The following AGBL1 variants were observed in gnomAD, a reference collection of about 807,000 sequenced individuals.
AGBL1 encodes the protein cytosolic carboxypeptidase 4.
A neutral mutation model predicts 118.9 loss-of-function variants in AGBL1; 130 were observed. The observed-to-expected ratio is 1.09, with a 90% CI of 0.95 to 1.26. AGBL1 has a LOEUF of 1.26. AGBL1 is among the 50% of genes most tolerant of loss of function. The probability of loss-of-function intolerance (pLI) is 0.00; values close to 1 mark genes in which losing one functional copy is unlikely to be tolerated. For synonymous variants in AGBL1, 555 were observed against 478.9 expected (o/e 1.16, Z -2.08); for missense variants, 1,584 against 1,298.1 (o/e 1.22, Z -3.38).
At chr15:86,859,180 G>A (rs2079526455) in intron 22 of AGBL1, among the ~76,000 whole-genome samples, 1 of 152,286 alleles carries the variant, frequency 6.6e-6, no homozygotes, top group Non-Finnish European at 1.5e-5. Flanking sequence ...TAATATATGA[G>A]TCTAGCTGTG....
chr15:86,236,947 G>C (rs1597602984), intron 6 of AGBL1, among the ~76,000 whole-genome samples: 1 of 19,590 alleles, frequency 5.1e-5, no homozygotes, highest in African/African-American at 1.6e-4. Flanking sequence ...GGGGGCGGGG[G>C]GGGGCGGGGG....
chr15:86,708,772 C>T (rs539669295), intron 22 of AGBL1, among the ~76,000 whole-genome samples: 2 of 141,666 alleles, frequency 1.4e-5, no homozygotes, highest in Non-Finnish European at 3.2e-5. Flanking sequence ...TTCCTTCATG[C>T]TACTGACAAT....
At chr15:86,827,291 G>GTA (rs1182771082) in intron 22 of AGBL1, among the ~76,000 whole-genome samples, 4 of 37,502 alleles carry the variant, frequency 1.1e-4, no homozygotes, top group Admixed American at 3.9e-4. Context: ...GGGTGTGTAT[G>GTA]TATATATATA....
At chr15:86,894,540 G>T (rs955924438) in intron 22 of AGBL1, among the ~76,000 whole-genome samples, 1 of 152,122 alleles carries the variant, frequency 6.6e-6, no homozygotes, top group African/African-American at 2.4e-5. Flanking sequence ...TTGCTCTTCT[G>T]GACCGCTAGG....
At chr15:86,495,166 A>AT (rs941177217) in intron 18 of AGBL1, among the ~76,000 whole-genome samples, 3 of 149,112 alleles carry the variant, frequency 2.0e-5, no homozygotes, top group Non-Finnish European at 3.0e-5. Flanking sequence ...CTGCTTTTGT[A>AT]TTTTTTCTTT....
Position 86,613,805 on chromosome 15 carries a change from C to T in AGBL1, c.2994+59268C>T, listed in dbSNP as rs1471986448. 6.6e-6 allele frequency among the ~76,000 whole-genome samples: 1 copy of T among 152,176 alleles called. No homozygotes were observed. Among genetic ancestry groups the T allele is most frequent in the Admixed American group, 6.5e-5 (1 of 15,274 alleles). Reference sequence around the variant, plus strand: ...AATTTCAGACCCCATCCCAGACCTACTGAATTAGAATATGTAGCATAGTAA... The same window carrying T: ...AATTTCAGACCCCATCCCAGACCTATTGAATTAGAATATGTAGCATAGTAA... On this transcript the variant is annotated intron_variant, in intron 21 of 22. Coordinates refer to ENST00000614907, the MANE Select transcript of AGBL1 (RefSeq NM_001386094.1). The surrounding 1 kb of genome is among the most constrained non-coding windows in gnomAD (Gnocchi z 4.2).
At chr15:86,738,291 T>C (rs1324347061) in intron 22 of AGBL1, among the ~76,000 whole-genome samples, 5 of 152,090 alleles carry the variant, frequency 3.3e-5, no homozygotes, top group Middle Eastern at 3.4e-3. Flanking sequence ...TGAGAAAAAA[T>C]TGAAAGCACT....
At chr15:86,646,140 C>CT (rs150641025) in intron 21 of AGBL1, among the ~76,000 whole-genome samples, 11,961 of 152,166 alleles carry the variant, frequency 0.079, 610 homozygotes, top group South Asian at 0.091. Context: ...GAATCATTTA[C>CT]TTTTTCTCTT....
intron 24 of AGBL1, among the ~76,000 whole-genome samples, chr15:86,998,123 C>T (rs2081397133): frequency 6.6e-6 from 1 of 152,060 alleles, no homozygotes; most frequent in African/African-American, 2.4e-5. Flanking sequence ...GAATTTCCAC[C>T]TCCTGATATA....
intron 21 of AGBL1, among the ~76,000 whole-genome samples, chr15:86,561,780 C>G (rs2083825540): frequency 6.6e-6 from 1 of 152,186 alleles, no homozygotes; most frequent in Non-Finnish European, 1.5e-5. Flanking sequence ...TTCTTCCTAT[C>G]CATGAGCATG....
chr15:86,874,248 A>C (rs2079772284), intron 22 of AGBL1, among the ~76,000 whole-genome samples: 1 of 152,110 alleles, frequency 6.6e-6, no homozygotes, highest in South Asian at 2.1e-4. Context: ...GAGTTGCTTA[A>C]ATAAAAGAAA....
chr15:86,992,885 C>G (rs1377489721), intron 24 of AGBL1, among the ~76,000 whole-genome samples: 1 of 152,040 alleles, frequency 6.6e-6, no homozygotes. Context: ...GTCATAGTTT[C>G]CTTACGGGTG....
chr15:86,506,627 A>G (rs2082980701), intron 18 of AGBL1, among the ~76,000 whole-genome samples: 2 of 152,082 alleles, frequency 1.3e-5, no homozygotes, highest in Non-Finnish European at 2.9e-5. Context: ...TCCACTTGCC[A>G]TCTGCTGCAC....
At chr15:86,341,758 C>T (rs2080464741) in intron 17 of AGBL1, among the ~76,000 whole-genome samples, 1 of 152,134 alleles carries the variant, frequency 6.6e-6, no homozygotes. Context: ...GGCCCCGAAC[C>T]TTGATGAGAT....
chr15:86,922,657 A>G (rs1419537163), intron 23 of AGBL1, among the ~76,000 whole-genome samples: 1 of 152,246 alleles, frequency 6.6e-6, no homozygotes. Flanking sequence ...GCTATAATTT[A>G]AATGCTATAA....
intron 1 of AGBL1, among the ~76,000 whole-genome samples, chr15:86,084,882 T>C (rs547196331): frequency 2.6e-5 from 4 of 152,336 alleles, no homozygotes; most frequent in African/African-American, 9.6e-5. Flanking sequence ...CCCATCCACC[T>C]ATCCATTCAT....
chr15:86,858,088 C>G (rs983894118), intron 22 of AGBL1, among the ~76,000 whole-genome samples: 1 of 152,122 alleles, frequency 6.6e-6, no homozygotes, highest in African/African-American at 2.4e-5. Flanking sequence ...TCCCCTGATA[C>G]CACTTTTACA....
At chr15:86,507,485 T>C (rs2082991621) in intron 18 of AGBL1, among the ~76,000 whole-genome samples, 1 of 152,100 alleles carries the variant, frequency 6.6e-6, no homozygotes, top group Admixed American at 6.6e-5. Context: ...GTCCGTGTTA[T>C]CATTAAGCCT....
At chr15:86,127,575 C>G (rs2076763319) in intron 1 of AGBL1, among the ~76,000 whole-genome samples, 1 of 152,230 alleles carries the variant, frequency 6.6e-6, no homozygotes, top group African/African-American at 2.4e-5. Flanking sequence ...GAAATCATAC[C>G]TCTTGGGAAA....
Sources: allele counts gnomAD v4.1 joint callset (sites outside exome capture counted in the v4.1 genomes callset), GRCh38; gene constraint gnomAD v4.1.1; non-coding constraint Gnocchi (gnomAD v3.1); transcripts MANE v1.5; gene names NCBI Gene and HGNC (gene_info 2026-07-23, HGNC 2026-07-21).